The following TWSG1 variants were observed in gnomAD, a reference collection of about 807,000 sequenced individuals.
The protein encoded by TWSG1 is twisted gastrulation BMP signaling modulator 1, also known as twisted gastrulation protein homolog 1.
Under a neutral mutation model 23.0 loss-of-function variants are expected in TWSG1, and 15 were observed. That is an observed-to-expected ratio of 0.65 (90% CI 0.44 to 1.00). The LOEUF (loss-of-function observed/expected upper bound fraction) is 1.00, where lower values mean the gene tolerates loss of function less well. Among genes scored for constraint, TWSG1 ranks in the 50% least tolerant of loss-of-function variants. The pLI, the probability that TWSG1 is intolerant of heterozygous loss-of-function variation, is 0.00. For synonymous variants in TWSG1, 86 were observed against 92.8 expected (o/e 0.93, Z 0.42); for missense variants, 242 against 278.7 (o/e 0.87, Z 0.94).
At chr18:9,397,238 T>C (rs1488369784) in intron 4 of TWSG1, among the ~76,000 whole-genome samples, 1 of 152,230 alleles carries the variant, frequency 6.6e-6, no homozygotes, top group East Asian at 1.9e-4. Flanking sequence ...AATAAAATAT[T>C]GCTCATTGTC....
rs1403740714 is a variant in TWSG1, at chr18:9,383,183, G to GTTTTTTTT, written c.224-13094_224-13087dup. Among the ~76,000 whole-genome samples, 25 of 75,310 alleles carry GTTTTTTTT rather than the reference G, an allele frequency of 3.3e-4. 1 individual carries two copies. Among genetic ancestry groups the GTTTTTTTT allele is most frequent in the African/African-American group, 1.3e-3 (24 of 19,186 alleles). The allele number at this position is 75,310 out of a possible 152,430, so 49.4% of individuals were successfully genotyped here. A position where few individuals can be genotyped will look rare whatever the true frequency, so the allele number is the denominator to read the frequency against. On this transcript the variant is annotated intron_variant, in intron 3 of 4. Transcript: ENST00000262120. ...TATGGTGGTGATATCCGAATTACAC[G>GTTTTTTTT]TTTTTTTTTTGTTTTTTTTTTTTTT...
At chr18:9,360,620 C>T (rs2040547909) in intron 3 of TWSG1, among the ~76,000 whole-genome samples, 2 of 152,122 alleles carry the variant, frequency 1.3e-5, no homozygotes, top group Non-Finnish European at 2.9e-5. Flanking sequence ...ATAAAGGATC[C>T]TCTATGCTTC....
intron 3 of TWSG1, among the ~76,000 whole-genome samples, chr18:9,390,759 C>T (rs1298481874): frequency 6.6e-6 from 1 of 152,178 alleles, no homozygotes; most frequent in African/African-American, 2.4e-5. Flanking sequence ...TGTCTATAAA[C>T]CCAGAGCTTT....
intron 2 of TWSG1, among the ~76,000 whole-genome samples, chr18:9,344,212 G>GT (rs771562212): frequency 2.6e-5 from 4 of 152,124 alleles, no homozygotes; most frequent in Non-Finnish European, 4.4e-5. Context: ...AACCCTGGAT[G>GT]TATCTCTTAA....
intron 3 of TWSG1, among the ~76,000 whole-genome samples, chr18:9,392,284 T>G (rs572918715): frequency 2.0e-5 from 3 of 152,378 alleles, no homozygotes; most frequent in Admixed American, 6.5e-5. Flanking sequence ...CTTAGCTGGA[T>G]CTTCTGAATA....
chr18:9,396,684 T>A (rs763120101), intron 4 of TWSG1, 138 bp downstream of exon 4: 35 of 1,063,742 alleles, frequency 3.3e-5, no homozygotes, highest in South Asian at 2.0e-4. Context: ...AATTCTAGAC[T>A]CAATAACCCT....
At chr18:9,350,444 A>G (rs1385299722) in intron 2 of TWSG1, among the ~76,000 whole-genome samples, 1 of 151,642 alleles carries the variant, frequency 6.6e-6, no homozygotes, top group Admixed American at 6.6e-5. Flanking sequence ...TTGTAAAATA[A>G]CCCCCCCATT....
At chr18:9,384,770 C>T (rs568382565) in intron 3 of TWSG1, among the ~76,000 whole-genome samples, 5 of 152,032 alleles carry the variant, frequency 3.3e-5, no homozygotes, top group Admixed American at 6.6e-5. Flanking sequence ...CTCAGCCTCC[C>T]GAGTAGCTGG....
chr18:9,379,545 A>G (rs1000192605), intron 3 of TWSG1, among the ~76,000 whole-genome samples: 1 of 151,986 alleles, frequency 6.6e-6, no homozygotes, highest in African/African-American at 2.4e-5. Flanking sequence ...AGAGGTTCAG[A>G]AAAAAAACTA....
At chr18:9,347,266 T>C (rs1009687947) in intron 2 of TWSG1, among the ~76,000 whole-genome samples, 2 of 152,244 alleles carry the variant, frequency 1.3e-5, no homozygotes, top group Non-Finnish European at 2.9e-5. Flanking sequence ...TCCTAGTCTA[T>C]GGCTTGTCAT....
chr18:9,343,210 TTATATATA>T (rs6146209), intron 2 of TWSG1, among the ~76,000 whole-genome samples: 1,415 of 130,934 alleles, frequency 0.011, 30 homozygotes, highest in Non-Finnish European at 0.015. Flanking sequence ...TTGTTTTTTG[TTATATATA>T]TATATATATA....
intron 1 of TWSG1, 128 bp from the exon 2 acceptor site, chr18:9,337,065 C>G: frequency 6.3e-6 from 5 of 794,210 alleles, no homozygotes; most frequent in Non-Finnish European, 9.6e-6. Context: ...CAGAGCAAGA[C>G]TCTAAAAAAG....
rs2040477750 is a variant in TWSG1, at chr18:9,346,424, T to G, written c.123+9072T>G. Among the ~76,000 whole-genome samples the G allele has an allele frequency of 2.6e-5, 4 of 152,284 alleles. No homozygotes were observed. In the South Asian group the frequency reaches 8.3e-4, roughly 32 times the overall value. On this transcript the variant is annotated intron_variant, in intron 2 of 4. Coordinates refer to ENST00000262120, the MANE Select transcript of TWSG1 (RefSeq NM_020648.6). ...ACTGATTAGTATGGATGTACTAGAG[T>G]TTGTTTATCCATTCACTTATTGAAG...
chr18:9,374,386 A>G (rs919272076), intron 3 of TWSG1, among the ~76,000 whole-genome samples: 3 of 152,236 alleles, frequency 2.0e-5, no homozygotes, highest in African/African-American at 7.2e-5. Context: ...GGACAATAAA[A>G]GAATGCTATG....
chr18:9,388,212 G>T (rs1373459405), intron 3 of TWSG1: 1 of 152,176 alleles, frequency 6.6e-6, no homozygotes, highest in African/African-American at 2.4e-5. Flanking sequence ...AAAATGATTA[G>T]ATTTAGGTTT....
intron 3 of TWSG1, among the ~76,000 whole-genome samples, chr18:9,371,297 C>CTT (rs758891489): frequency 0.013 from 1,826 of 138,420 alleles, 60 homozygotes; most frequent in African/African-American, 0.046. Context: ...TTAGAAATCA[C>CTT]TTTTTTTTTT....
At chr18:9,393,039 A>G (rs2040719625) in intron 3 of TWSG1, among the ~76,000 whole-genome samples, 2 of 152,212 alleles carry the variant, frequency 1.3e-5, no homozygotes, top group African/African-American at 4.8e-5. Flanking sequence ...GATCGCCATA[A>G]CTGTTATAAT....
intron 2 of TWSG1, among the ~76,000 whole-genome samples, chr18:9,359,097 CATTT>C (rs1001178292): frequency 8.6e-5 from 13 of 152,042 alleles, no homozygotes; most frequent in Non-Finnish European, 1.5e-4. Flanking sequence ...AAACAATAGC[CATTT>C]ATTTAACTCT....
At chr18:9,338,738 A>G (rs143875097) in intron 2 of TWSG1, among the ~76,000 whole-genome samples, 1 of 152,314 alleles carries the variant, frequency 6.6e-6, no homozygotes, top group East Asian at 1.9e-4. Flanking sequence ...TCAGATGAGG[A>G]GTCTGTGGTA....
Sources: gnomAD v4.1 joint callset for allele counts (sites outside exome capture counted in the v4.1 genomes callset) on GRCh38, gnomAD v4.1.1 for gene constraint, MANE v1.5 for transcripts, NCBI Gene and HGNC (gene_info 2026-07-23, HGNC 2026-07-21) for gene names.